ZNF704: variants seen among roughly 807,000 people sequenced by gnomAD.
ZNF704 encodes zinc finger protein 704.
Under a neutral mutation model 44.7 loss-of-function variants are expected in ZNF704, and 10 were observed. The ratio of observed to expected loss-of-function variants is 0.22; its 90% CI spans 0.14 to 0.38. ZNF704 has a LOEUF of 0.38. ZNF704 is among the 10% of genes least tolerant of loss of function. The pLI is 1.00. For missense variants in ZNF704, 390 were observed against 545.5 expected (o/e 0.71, Z 2.84); for synonymous variants, 211 against 207.6 (o/e 1.02, Z -0.14).
intron 1 of ZNF704, among the ~76,000 whole-genome samples, chr8:80,854,138 T>C (rs1404865292): frequency 6.6e-6 from 1 of 152,226 alleles, no homozygotes; most frequent in African/African-American, 2.4e-5. Context: ...CAAGATATTG[T>C]GTATGAAATG....
chr8:80,676,763 C>T (rs566640528), intron 4 of ZNF704, among the ~76,000 whole-genome samples: 6 of 152,272 alleles, frequency 3.9e-5, no homozygotes, highest in South Asian at 4.2e-4. Flanking sequence ...TGGCACAGGT[C>T]GGGATGAAAC....
chr8:80,871,285 T>C (rs1809248352), intron 1 of ZNF704, among the ~76,000 whole-genome samples: 2 of 152,216 alleles, frequency 1.3e-5, no homozygotes, highest in Non-Finnish European at 2.9e-5. Flanking sequence ...AGGCTCTCTT[T>C]GCAGGCACCT....
At chr8:80,779,450 G>T (rs1443578912) in intron 2 of ZNF704, among the ~76,000 whole-genome samples, 1 of 151,990 alleles carries the variant, frequency 6.6e-6, no homozygotes, top group Non-Finnish European at 1.5e-5. Flanking sequence ...ATCCTTTTAT[G>T]TCCTAGTCTT....
At chr8:80,670,909 G>T (rs910742510) in intron 4 of ZNF704, among the ~76,000 whole-genome samples, 19 of 152,216 alleles carry the variant, frequency 1.2e-4, no homozygotes, top group African/African-American at 4.6e-4. Context: ...CACTTACTAT[G>T]TGCCAGGTGC....
Position 80,687,271 on chromosome 8 carries a change from C to G in ZNF704, c.513G>C (p.Glu171Asp). The G allele has an allele frequency of 6.2e-7, 1 of 1,613,210 alleles. No homozygotes were observed. Among genetic ancestry groups the G allele is most frequent in the Non-Finnish European group, 8.5e-7 (1 of 1,179,844 alleles). Residue 171 changes from glutamate to aspartate, a missense_variant, in exon 4 of 9, where the codon GAG becomes GAC. Physicochemically the swap from Glu to Asp is conservative, Grantham distance 45. Around this residue, in one of 3 missense-constraint regions of ZNF704, gnomAD observed 305 missense variants for 435.7 expected, o/e 0.70. Coordinates refer to ENST00000327835, the MANE Select transcript of ZNF704 (RefSeq NM_001033723.3). Reference sequence around the variant, plus strand: ...GCTCGTCGAAGAGCAGGTTGCTGGCCTCCGCCTCGTCGATGCCGTCGTCTG... The same window carrying G: ...GCTCGTCGAAGAGCAGGTTGCTGGCGTCCGCCTCGTCGATGCCGTCGTCTG... Reference protein sequence around the residue: ...AQPDDGIDEAEASNLLFDEPI... With the variant: ...AQPDDGIDEADASNLLFDEPI...
At chr8:80,824,855 T>C (rs1808344394) in intron 1 of ZNF704, among the ~76,000 whole-genome samples, 1 of 152,130 alleles carries the variant, frequency 6.6e-6, no homozygotes, top group African/African-American at 2.4e-5. Context: ...AATAAAATCC[T>C]TTACAAACAA....
At chr8:80,700,990 C>T (rs1335337841) in intron 2 of ZNF704, among the ~76,000 whole-genome samples, 2 of 151,990 alleles carry the variant, frequency 1.3e-5, no homozygotes, top group Admixed American at 6.6e-5. Flanking sequence ...GAGGCTAGTA[C>T]TTCTGACCTA....
intron 4 of ZNF704, among the ~76,000 whole-genome samples, chr8:80,674,273 T>C (rs1818326557): frequency 6.6e-6 from 1 of 152,328 alleles, no homozygotes; most frequent in Admixed American, 6.5e-5. Flanking sequence ...AAAAAGGAAT[T>C]CTGCAGAATT....
chr8:80,874,030 A>G lies in ZNF704; in HGVS notation c.-22+541T>C, dbSNP rs939976277. On this transcript the variant is annotated intron_variant, in intron 1 of 8. Coordinates refer to ENST00000327835, the MANE Select transcript of ZNF704 (RefSeq NM_001033723.3). This position sits in a 1 kb window ranked among gnomAD's most constrained non-coding sequence, Gnocchi z 4.4. The stretch of plus-strand genomic sequence containing the variant: ...TGCCCAGGCTGGAGCGCTTGGCTAG[A>G]CGCCGCGCCTGCATGCCTGAGCGCG... 5.0e-4 allele frequency among the ~76,000 whole-genome samples: 73 copies of G among 146,246 alleles called. No individual in the cohort carries two copies. The highest frequency in any genetic ancestry group is 1.7e-3 in the African/African-American group (71 of 40,730).
At chr8:80,787,642 G>A (rs186574595) in intron 2 of ZNF704, among the ~76,000 whole-genome samples, 1 of 152,176 alleles carries the variant, frequency 6.6e-6, no homozygotes, top group Non-Finnish European at 1.5e-5. Context: ...AGTGAGGCGA[G>A]TTTTTATTGC....
At chr8:80,748,295 C>G (rs1206717853) in intron 2 of ZNF704, among the ~76,000 whole-genome samples, 1 of 151,578 alleles carries the variant, frequency 6.6e-6, no homozygotes, top group Non-Finnish European at 1.5e-5. Context: ...ACCCTCTTCT[C>G]CAGCCTAAGT....
At chr8:80,867,388 G>C (rs1331754429) in intron 1 of ZNF704, among the ~76,000 whole-genome samples, 3 of 152,186 alleles carry the variant, frequency 2.0e-5, no homozygotes, top group Non-Finnish European at 1.5e-5. Context: ...GGAGTGAGCT[G>C]TAGATCATTC....
At chr8:80,834,564 T>C (rs1808526254) in intron 1 of ZNF704, among the ~76,000 whole-genome samples, 1 of 152,224 alleles carries the variant, frequency 6.6e-6, no homozygotes, top group Non-Finnish European at 1.5e-5. Flanking sequence ...GTGCAGAACA[T>C]GCAGGTTCGT....
intron 2 of ZNF704, among the ~76,000 whole-genome samples, chr8:80,772,787 T>C (rs1807342666): frequency 1.3e-5 from 2 of 152,188 alleles, no homozygotes; most frequent in Admixed American, 1.3e-4. Flanking sequence ...TTCTTTCCTT[T>C]GTTTGCTTTG....
At chr8:80,775,330 A>G (rs1048703811) in intron 2 of ZNF704, among the ~76,000 whole-genome samples, 1 of 152,220 alleles carries the variant, frequency 6.6e-6, no homozygotes, top group African/African-American at 2.4e-5. Context: ...CCTGACATAC[A>G]ATAGTTTTAA....
intron 2 of ZNF704, among the ~76,000 whole-genome samples, chr8:80,813,241 T>C (rs1327221394): frequency 1.3e-5 from 2 of 152,218 alleles, no homozygotes; most frequent in Non-Finnish European, 2.9e-5. Flanking sequence ...CAAGGACTCT[T>C]TGGAAGTGAT....
intron 4 of ZNF704, among the ~76,000 whole-genome samples, chr8:80,681,978 C>A (rs567434575): frequency 2.6e-5 from 4 of 152,338 alleles, no homozygotes; most frequent in East Asian, 1.9e-4. Context: ...CCCTGGCTGA[C>A]AATGCTGTAT....
At chr8:80,839,786 C>A (rs150207986) in intron 1 of ZNF704, among the ~76,000 whole-genome samples, 4 of 152,208 alleles carry the variant, frequency 2.6e-5, no homozygotes, top group Non-Finnish European at 5.9e-5. Flanking sequence ...TGCTCCTGAT[C>A]CTTCCTGCCT....
chr8:80,780,287 T>G (rs1317133379), intron 2 of ZNF704, among the ~76,000 whole-genome samples: 1 of 152,160 alleles, frequency 6.6e-6, no homozygotes, highest in East Asian at 1.9e-4. Context: ...TGTTCTGAAC[T>G]TTTCGAAGAG....
Sources: allele counts gnomAD v4.1 joint callset (sites outside exome capture counted in the v4.1 genomes callset), GRCh38; gene constraint gnomAD v4.1.1; regional missense constraint gnomAD v4.1.1; non-coding constraint Gnocchi (gnomAD v3.1); transcripts MANE v1.5; gene names NCBI Gene and HGNC (gene_info 2026-07-23, HGNC 2026-07-21).